The following LIN54 variants were observed in gnomAD, a reference collection of about 807,000 sequenced individuals.
LIN54 encodes the protein lin-54 DREAM MuvB core complex component.
Under a neutral mutation model 78.7 loss-of-function variants are expected in LIN54, and 9 were observed. The observed-to-expected ratio is 0.11, with a 90% CI of 0.07 to 0.20. The LOEUF (loss-of-function observed/expected upper bound fraction) is 0.20, where lower values mean the gene tolerates loss of function less well. Ranked by LOEUF, LIN54 falls within the 10% of genes least tolerant of loss-of-function variation. The pLI is 1.00. For synonymous variants in LIN54, 269 were observed against 318.4 expected, an observed-to-expected ratio of 0.84 and a Z score of 1.65; for missense variants, 573 against 889.9, an observed-to-expected ratio of 0.64 and a Z score of 4.53.
rs374936079 is a variant in LIN54, at chr4:82,979,058, T to G, written c.685-52A>C. On this transcript the variant is annotated intron_variant, in intron 2 of 12. Coordinates refer to ENST00000340417, the MANE Select transcript of LIN54 (RefSeq NM_194282.4). ...CCATCTGTTTCTATAAAATGCCTAT[T>G]AAATCAAAATTATACCAAAGATTCA... The G allele has an allele frequency of 1.4e-5, 19 of 1,392,116 alleles. No individual in the cohort carries two copies. The African/African-American group carries it at 2.7e-4, about 20-fold the overall frequency. 86.2% of individuals were successfully genotyped at this position (1,392,116 alleles called of 1,614,324 possible).
At chr4:82,949,214 G>A (rs867646228) in intron 4 of LIN54, among the ~76,000 whole-genome samples, 68 of 152,308 alleles carry the variant, frequency 4.5e-4, no homozygotes, top group African/African-American at 1.5e-3. Flanking sequence ...CCTAATGGGT[G>A]TGAAGTGGCA....
rs539252307 is a variant in LIN54 at position 82,992,479 on chromosome 4, A to T, written c.-32-7603T>A. ...CACTTGTGGCCATGGGTTTGAGACC[A>T]GTCGGGACAACATATCAAGACCCCA... On this transcript the variant is annotated intron_variant, in intron 1 of 12. Coordinates refer to ENST00000340417, the MANE Select transcript of LIN54 (RefSeq NM_194282.4). Among the ~76,000 whole-genome samples the T allele has an allele frequency of 2.1e-4, 32 of 152,248 alleles. No homozygotes were observed. The South Asian group carries it at 6.6e-3, about 32-fold the overall frequency.
intron 1 of LIN54, among the ~76,000 whole-genome samples, chr4:82,986,689 C>A (rs1394604342): frequency 8.5e-6 from 1 of 116,962 alleles, no homozygotes; most frequent in East Asian, 2.6e-4. Flanking sequence ...GGCGACAGAG[C>A]GAGACCCCAT....
intron 3 of LIN54, among the ~76,000 whole-genome samples, chr4:82,974,564 C>A (rs1314152691): frequency 4.6e-5 from 7 of 151,968 alleles, no homozygotes; most frequent in Non-Finnish European, 1.0e-4. Flanking sequence ...TGGTGAAACA[C>A]CATCTCTACT....
At position 82,992,347 on chromosome 4, in the gene LIN54, T is replaced by A. The variant is rs1375388183; in HGVS notation, c.-32-7471A>T. On this transcript the variant is annotated intron_variant, in intron 1 of 12. Coordinates refer to ENST00000340417, the MANE Select transcript of LIN54 (RefSeq NM_194282.4). The stretch of plus-strand genomic sequence containing the variant: ...CTGTCTTCTCTCCTTTTATTCTTGA[T>A]TAGCTAGAGATTATCCATTTTATTG... 4.6e-5 allele frequency among the ~76,000 whole-genome samples: 7 copies of A among 152,298 alleles called. No homozygotes were observed. In the East Asian group the frequency reaches 1.3e-3, roughly 29 times the overall value.
chr4:83,008,669 C>G (rs1454995735), intron 1 of LIN54, among the ~76,000 whole-genome samples: 1 of 152,118 alleles, frequency 6.6e-6, no homozygotes, highest in Non-Finnish European at 1.5e-5. Context: ...GAAACTCTGC[C>G]TTGGAAAAAA....
chr4:82,941,149 G>GATATATATATAGATAT (rs1553947747), intron 5 of LIN54, among the ~76,000 whole-genome samples: 2 of 131,136 alleles, frequency 1.5e-5, no homozygotes, highest in African/African-American at 6.1e-5. Context: ...GAGTTAAGAG[G>GATATATATATAGATAT]ATATATATAT....
chr4:82,967,054 C>A lies in LIN54; in HGVS notation c.951+3273G>T, dbSNP rs1271393972. On this transcript the variant is annotated intron_variant, in intron 4 of 12. Transcript: ENST00000340417. ...ACCCTCCTGGACGACATGGTGAAAA[C>A]CCATCTCTACTAAAAATAGAAAAAT... 4.0e-5 allele frequency among the ~76,000 whole-genome samples: 6 copies of A among 151,710 alleles called. No individual in the cohort carries two copies. The East Asian group carries it at 1.2e-3, about 30-fold the overall frequency.
chr4:82,939,921 C>G lies in LIN54; in HGVS notation c.1210G>C (p.Val404Leu), dbSNP rs1161550997. 4 of 1,612,224 alleles carry G rather than the reference C, an allele frequency of 2.5e-6. No homozygotes were observed. The highest frequency in any genetic ancestry group is 3.4e-6 in the Non-Finnish European group (4 of 1,179,534). The change falls in exon 6 of 13, where the codon GTT becomes CTT. Residue 404 changes from valine (V) to leucine (L), a missense_variant. Val to Leu is a conservative substitution (Grantham distance 32, BLOSUM62 1). Transcript: ENST00000340417. ...VVNTTPVRMS[V>L]PIVSAQAVKQ... Reference sequence around the variant, plus strand: ...ACAGCCTGAGCTGAGACAATTGGAACTGACATCCGCACTGGGGTTGTATTA... The same window carrying G: ...ACAGCCTGAGCTGAGACAATTGGAAGTGACATCCGCACTGGGGTTGTATTA...
At position 82,926,179 on chromosome 4, in the gene LIN54, A is replaced by G. The variant is rs1721452944; in HGVS notation, c.*1923T>C. 1 of 152,628 alleles carries G rather than the reference A, an allele frequency of 6.6e-6. No individual in the cohort carries two copies. 9.5% of individuals were successfully genotyped at this position (152,628 alleles called of 1,614,324 possible). On this transcript the variant is annotated 3_prime_UTR_variant, in exon 13 of 13. Coordinates refer to ENST00000340417, the MANE Select transcript of LIN54 (RefSeq NM_194282.4). ...ATATAAATACACATCACAAAGGTGC[A>G]ATTAGAATTAACACAGAGTATGTAC... is the stretch of plus-strand genomic sequence containing the variant.
In LIN54 at chr4:82,958,763, C is replaced by A. The variant is rs577926431; in HGVS notation, c.951+11564G>T. Among the ~76,000 whole-genome samples, 9 of 152,242 alleles carry A rather than the reference C, an allele frequency of 5.9e-5. No homozygotes were observed. In the South Asian group the frequency reaches 1.7e-3, roughly 28 times the overall value. ...CACTGCCCGTGCTGGAAGGCAGCGG[C>A]GCAATCTCGGCTCACTGCAAACTCC... On this transcript the variant is annotated intron_variant, in intron 4 of 12. Coordinates refer to ENST00000340417, the MANE Select transcript of LIN54 (RefSeq NM_194282.4).
intron 1 of LIN54, among the ~76,000 whole-genome samples, chr4:82,997,317 C>T (rs1372480070): frequency 6.6e-6 from 1 of 152,092 alleles, no homozygotes; most frequent in Admixed American, 6.6e-5. Context: ...ATAAGGTACA[C>T]TAACAAACTG....
At chr4:82,999,359 G>A (rs558905708) in intron 1 of LIN54, among the ~76,000 whole-genome samples, 4 of 152,148 alleles carry the variant, frequency 2.6e-5, no homozygotes, top group Admixed American at 6.6e-5. Flanking sequence ...TGAATCCAGC[G>A]TAAAGACCAT....
chr4:82,974,262 G>A (rs1725957012), intron 3 of LIN54, among the ~76,000 whole-genome samples: 1 of 151,912 alleles, frequency 6.6e-6, no homozygotes, highest in Non-Finnish European at 1.5e-5. Flanking sequence ...GCTAGGTTCT[G>A]GGAAGGTGGG....
intron 1 of LIN54, among the ~76,000 whole-genome samples, chr4:82,985,831 G>A (rs1042191093): frequency 6.6e-5 from 10 of 151,684 alleles, no homozygotes; most frequent in Admixed American, 3.9e-4. Flanking sequence ...GTGAGCCACC[G>A]TGCCTGGCCA....
chr4:83,003,907 C>A (rs568119643), intron 1 of LIN54, among the ~76,000 whole-genome samples: 1 of 152,178 alleles, frequency 6.6e-6, no homozygotes, highest in Admixed American at 6.5e-5. Context: ...ATCTGAATAA[C>A]CACATCACAT....
chr4:82,990,552 C>T (rs993698770), intron 1 of LIN54, among the ~76,000 whole-genome samples: 1 of 151,884 alleles, frequency 6.6e-6, no homozygotes, highest in African/African-American at 2.4e-5. Context: ...GGCGCGATCT[C>T]GGCTCATTGC....
chr4:82,987,064 G>C (rs1727212898), intron 1 of LIN54, among the ~76,000 whole-genome samples: 1 of 152,174 alleles, frequency 6.6e-6, no homozygotes, highest in Admixed American at 6.5e-5. Flanking sequence ...GCCGAGGTGG[G>C]CAGATCACCT....
intron 1 of LIN54, among the ~76,000 whole-genome samples, chr4:82,995,161 G>A (rs995313538): frequency 1.3e-5 from 2 of 151,826 alleles, no homozygotes; most frequent in Non-Finnish European, 2.9e-5. Flanking sequence ...TTAGCCAGGC[G>A]TGGTGGGGCA....
Sources: gnomAD v4.1 joint callset for allele counts (sites outside exome capture counted in the v4.1 genomes callset) on GRCh38, gnomAD v4.1.1 for gene constraint, MANE v1.5 for transcripts, NCBI Gene and HGNC (gene_info 2026-07-23, HGNC 2026-07-21) for gene names.